The following NIBAN1 variants were observed in gnomAD, a reference collection of about 807,000 sequenced individuals.
The protein encoded by NIBAN1 is protein Niban 1.
NIBAN1 carries 81 observed loss-of-function variants against 75.1 expected under a neutral mutation model. That is an observed-to-expected ratio of 1.08 (90% CI 0.90 to 1.30). NIBAN1 has a LOEUF of 1.30. Among genes scored for constraint, NIBAN1 ranks in the 50% most tolerant of loss-of-function variants. The pLI, the probability that NIBAN1 is intolerant of heterozygous loss-of-function variation, is 0.00. For synonymous variants in NIBAN1, 436 were observed against 424.8 expected (o/e 1.03, Z -0.32); for missense variants, 1,133 against 1,128.1 (o/e 1.00, Z -0.06).
At chr1:184,821,541 A>C (rs1311891692) in intron 8 of NIBAN1, 1 of 152,184 alleles carries the variant, frequency 6.6e-6, no homozygotes, top group Non-Finnish European at 1.5e-5. Flanking sequence ...GGCTTCTTTT[A>C]GGAAATAAAT....
chr1:184,972,280 AC>A (rs1166136183), intron 1 of NIBAN1, among the ~76,000 whole-genome samples: 2 of 152,228 alleles, frequency 1.3e-5, no homozygotes, highest in Non-Finnish European at 2.9e-5. Context: ...CGTTTTGCTT[AC>A]AATTGAATCA....
intron 2 of NIBAN1, among the ~76,000 whole-genome samples, chr1:184,897,245 A>G (rs1412951265): frequency 6.7e-6 from 1 of 149,244 alleles, no homozygotes; most frequent in Non-Finnish European, 1.5e-5. Context: ...CCTTGTAGAG[A>G]TCTTTCATCT....
intron 12 of NIBAN1, among the ~76,000 whole-genome samples, chr1:184,801,880 C>A (rs1343457528): frequency 1.3e-5 from 2 of 152,246 alleles, no homozygotes; most frequent in African/African-American, 4.8e-5. Context: ...AAGTGACCAA[C>A]TTTACAAAAC....
chr1:184,859,086 A>G (rs1655749750), intron 5 of NIBAN1, among the ~76,000 whole-genome samples: 1 of 152,058 alleles, frequency 6.6e-6, no homozygotes. Context: ...AGGAATTAAA[A>G]GAATGAAAAG....
intron 5 of NIBAN1, among the ~76,000 whole-genome samples, chr1:184,835,726 G>A (rs1036523166): frequency 9.2e-5 from 14 of 152,348 alleles, no homozygotes; most frequent in South Asian, 6.2e-4. Flanking sequence ...TTGCTTATCA[G>A]CTTAAGGAGA....
chr1:184,916,537 A>C (rs1234823436), intron 1 of NIBAN1, among the ~76,000 whole-genome samples: 1 of 152,162 alleles, frequency 6.6e-6, no homozygotes, highest in Non-Finnish European at 1.5e-5. Flanking sequence ...CCCTTGAATA[A>C]TTATGTGTGT....
At chr1:184,797,184 G>C (rs1449990911) in intron 13 of NIBAN1, among the ~76,000 whole-genome samples, 2 of 145,988 alleles carry the variant, frequency 1.4e-5, no homozygotes, top group African/African-American at 5.1e-5. Flanking sequence ...CTGTCACCCA[G>C]GCTGGAGTGC....
chr1:184,833,510 C>T (rs1011662065), intron 5 of NIBAN1, among the ~76,000 whole-genome samples: 9 of 151,888 alleles, frequency 5.9e-5, no homozygotes, highest in South Asian at 4.1e-4. Context: ...GAGTTCAAGA[C>T]GAGCCTGGGC....
At chr1:184,956,033 G>GTTTGTTT (rs10682418) in intron 1 of NIBAN1, among the ~76,000 whole-genome samples, 4 of 148,090 alleles carry the variant, frequency 2.7e-5, no homozygotes, top group African/African-American at 5.0e-5. Context: ...CTTTTTGTTT[G>GTTTGTTT]TTTTTTTTTT....
chr1:184,851,452 G>A (rs1444427284), intron 5 of NIBAN1, among the ~76,000 whole-genome samples: 1 of 48,882 alleles, frequency 2.0e-5, no homozygotes, highest in Non-Finnish European at 3.8e-5. Flanking sequence ...GACACAGGAA[G>A]GGGAATATCA....
chr1:184,938,033 T>C (rs779011659), intron 1 of NIBAN1, among the ~76,000 whole-genome samples: 1 of 151,964 alleles, frequency 6.6e-6, no homozygotes, highest in Non-Finnish European at 1.5e-5. Context: ...GATGAGGTGA[T>C]TGGAAAGAAG....
At chr1:184,917,443 T>C (rs1408089589) in intron 1 of NIBAN1, among the ~76,000 whole-genome samples, 2 of 145,252 alleles carry the variant, frequency 1.4e-5, no homozygotes, top group African/African-American at 5.1e-5. Flanking sequence ...TGATCTGACC[T>C]CGTGATCCGC....
rs1425483565 is a variant in NIBAN1, at chr1:184,791,149, AT to A, written c.*3827del. ...CCGGGAAAGTCAATCCACAGTGTCG[AT>A]TTTTTTTCTTGAAGTTGCAGACTTT... is the stretch of plus-strand genomic sequence containing the variant. On this transcript the variant is annotated 3_prime_UTR_variant, in exon 14 of 14. Transcript: ENST00000367511. 7.0e-6 allele frequency: 3 copies of A among 427,794 alleles called. No homozygotes were observed. The highest frequency in any genetic ancestry group is 2.1e-5 in the African/African-American group (1 of 48,378). 26.5% of individuals were successfully genotyped at this position (427,794 alleles called of 1,614,324 possible).
chr1:184,834,702 T>C (rs1655091791), intron 5 of NIBAN1, among the ~76,000 whole-genome samples: 1 of 152,114 alleles, frequency 6.6e-6, no homozygotes, highest in East Asian at 1.9e-4. Context: ...TTTGATGGGG[T>C]TGTTTTTTTT....
At chr1:184,938,084 C>A (rs1014830450) in intron 1 of NIBAN1, among the ~76,000 whole-genome samples, 5 of 152,108 alleles carry the variant, frequency 3.3e-5, no homozygotes, top group Non-Finnish European at 5.9e-5. Flanking sequence ...AATCTCTGGT[C>A]ATGGAGATTA....
At chr1:184,880,414 T>G (rs556732803) in intron 5 of NIBAN1, among the ~76,000 whole-genome samples, 96 of 152,338 alleles carry the variant, frequency 6.3e-4, no homozygotes, top group African/African-American at 2.1e-3. Context: ...TCCTAATGGC[T>G]TCCTATTGCT....
intron 5 of NIBAN1, among the ~76,000 whole-genome samples, chr1:184,866,790 T>G (rs1319656540): frequency 2.0e-5 from 3 of 152,170 alleles, no homozygotes; most frequent in Admixed American, 1.3e-4. Context: ...TTCACTACCC[T>G]TCATCCTGAC....
rs764801179 is a variant in NIBAN1, at chr1:184,795,351, C to G, written c.2413G>C (p.Glu805Gln). Residue 805 changes from glutamate (E) to glutamine (Q), a missense_variant, in exon 14 of 14, where the codon GAG becomes CAG. Physicochemically the swap from Glu to Gln is conservative, Grantham distance 29. Transcript: ENST00000367511. ...ASPPASGGLT[E>Q]EPLGPMEGEL... is the part of the protein sequence containing the mutation. Reference sequence around the variant, plus strand: ...CCCTCCATGGGCCCCAGGGGCTCCTCGGTGAGCCCTCCACTGGCTGGCGGA... The same window carrying G: ...CCCTCCATGGGCCCCAGGGGCTCCTGGGTGAGCCCTCCACTGGCTGGCGGA... 1 of 1,609,268 alleles carries G rather than the reference C, an allele frequency of 6.2e-7. No individual in the cohort carries two copies. The highest frequency in any genetic ancestry group is 1.1e-5 in the South Asian group (1 of 90,764).
chr1:184,955,255 A>C (rs1239152371), intron 1 of NIBAN1, among the ~76,000 whole-genome samples: 2 of 151,760 alleles, frequency 1.3e-5, no homozygotes, highest in Non-Finnish European at 2.9e-5. Context: ...TATGTCCCTA[A>C]TGGCTGCTGC....
Sources: gnomAD v4.1 joint callset for allele counts (sites outside exome capture counted in the v4.1 genomes callset) on GRCh38, gnomAD v4.1.1 for gene constraint, MANE v1.5 for transcripts, NCBI Gene and HGNC (gene_info 2026-07-23, HGNC 2026-07-21) for gene names.